The following ARHGAP10 variants were observed in gnomAD, a reference collection of about 807,000 sequenced individuals.
ARHGAP10 encodes the protein Rho GTPase activating protein 10, also known as rho GTPase-activating protein 10.
ARHGAP10 carries 87 observed loss-of-function variants against 108.6 expected under a neutral mutation model. That is an observed-to-expected ratio of 0.80 (90% confidence interval 0.67 to 0.96). The LOEUF is 0.96. Among genes scored for constraint, ARHGAP10 ranks in the 40% least tolerant of loss-of-function variants. The probability of loss-of-function intolerance (pLI) is 0.00; values close to 1 mark genes in which losing one functional copy is unlikely to be tolerated. For missense variants in ARHGAP10, 939 were observed against 954.5 expected (o/e 0.98, Z 0.21); for synonymous variants, 347 against 341.1 (o/e 1.02, Z -0.19).
At chr4:147,863,400 T>C (rs893030) in intron 5 of ARHGAP10, 144,692 of 152,444 alleles carry the variant, frequency 0.95, 69,065 homozygotes, top group Non-Finnish European at 1. Context: ...CCTCAAGGTT[T>C]ATCCATGTTG....
intron 10 of ARHGAP10, among the ~76,000 whole-genome samples, chr4:147,905,543 A>T (rs556886826): frequency 8.6e-6 from 1 of 116,394 alleles, no homozygotes; most frequent in African/African-American, 2.8e-5. Context: ...AGATAGTTGT[A>T]GATATGCGGC....
chr4:147,823,402 G>A (rs1303349318), intron 3 of ARHGAP10, among the ~76,000 whole-genome samples: 2 of 152,038 alleles, frequency 1.3e-5, no homozygotes, highest in Non-Finnish European at 2.9e-5. Context: ...AGAGAACTTG[G>A]GCCTTGGAGG....
chr4:147,971,739 G>C (rs1290913792), intron 18 of ARHGAP10, among the ~76,000 whole-genome samples: 1 of 152,128 alleles, frequency 6.6e-6, no homozygotes, highest in African/African-American at 2.4e-5. Flanking sequence ...GCCGCTTTAG[G>C]ACTTTTGCAT....
At chr4:147,823,757 A>G (rs1732596078) in intron 3 of ARHGAP10, among the ~76,000 whole-genome samples, 1 of 149,816 alleles carries the variant, frequency 6.7e-6, no homozygotes, top group Non-Finnish European at 1.5e-5. Context: ...ACCCTGTCTC[A>G]AAAAAAAAGA....
At chr4:148,034,045 C>T (rs375346731) in intron 19 of ARHGAP10, among the ~76,000 whole-genome samples, 1 of 152,178 alleles carries the variant, frequency 6.6e-6, no homozygotes, top group Non-Finnish European at 1.5e-5. Context: ...GCAAATCTCT[C>T]TCTAAGCCTC....
chr4:147,830,326 A>T (rs767617482), intron 3 of ARHGAP10, among the ~76,000 whole-genome samples: 1 of 152,080 alleles, frequency 6.6e-6, no homozygotes, highest in Non-Finnish European at 1.5e-5. Flanking sequence ...GCAAGACGTG[A>T]TGCCTGCTCT....
At chr4:147,997,635 A>G (rs1329923774) in intron 18 of ARHGAP10, among the ~76,000 whole-genome samples, 6 of 152,248 alleles carry the variant, frequency 3.9e-5, no homozygotes, top group Non-Finnish European at 7.3e-5. Context: ...CACGTAGAAC[A>G]GAAATAACTT....
chr4:147,866,749 A>C lies in ARHGAP10; in HGVS notation c.635A>C (p.His212Pro), dbSNP rs765671085. The C allele has an allele frequency of 6.2e-7, 1 of 1,613,884 alleles. No individual in the cohort carries two copies. Among genetic ancestry groups the C allele is most frequent in the Non-Finnish European group, 8.5e-7 (1 of 1,179,894 alleles). Residue 212 changes from histidine to proline, a missense_variant, in exon 7 of 23, where the codon CAT (histidine) becomes CCT (proline). By Grantham distance (77) the His-to-Pro change is moderately conservative. Coordinates refer to ENST00000336498, the MANE Select transcript of ARHGAP10 (RefSeq NM_024605.4). ...SFFQGMFTFYHQGHELAKDFN... is the reference protein window; with the variant it reads ...SFFQGMFTFYPQGHELAKDFN... Reference sequence around the variant, plus strand: ...TTTCAGGGGATGTTTACCTTCTATCATCAGGGCCATGAACTTGCCAAAGAC... The same window carrying C: ...TTTCAGGGGATGTTTACCTTCTATCCTCAGGGCCATGAACTTGCCAAAGAC...
At chr4:147,783,529 A>T (rs1297217562) in intron 1 of ARHGAP10, among the ~76,000 whole-genome samples, 2 of 148,180 alleles carry the variant, frequency 1.3e-5, no homozygotes, top group East Asian at 4.2e-4. Flanking sequence ...ACACACATTA[A>T]ATTATGTATT....
chr4:148,015,658 C>T (rs1016351716), intron 18 of ARHGAP10, among the ~76,000 whole-genome samples: 5 of 152,146 alleles, frequency 3.3e-5, no homozygotes, highest in African/African-American at 9.7e-5. Context: ...GTACTGTTCA[C>T]GTGGTAGCTA....
At chr4:148,065,960 A>G (rs945438580) in intron 22 of ARHGAP10, among the ~76,000 whole-genome samples, 2 of 141,438 alleles carry the variant, frequency 1.4e-5, no homozygotes, top group Non-Finnish European at 3.0e-5. Context: ...AGCCTGGATA[A>G]CACAGTGAGA....
chr4:147,918,210 A>T (rs1022083766), intron 13 of ARHGAP10, among the ~76,000 whole-genome samples: 7 of 139,784 alleles, frequency 5.0e-5, no homozygotes, highest in African/African-American at 2.0e-4. Flanking sequence ...ATCTCGGCTC[A>T]CTGCAAGCTC....
chr4:147,855,302 A>G (rs12498257), intron 4 of ARHGAP10, among the ~76,000 whole-genome samples: 116,429 of 152,148 alleles, frequency 0.77, 47,112 homozygotes, highest in Non-Finnish European at 0.89. Context: ...CACAGCATCA[A>G]CTTTTTAAAA....
At chr4:147,908,801 C>G (rs967526871) in intron 11 of ARHGAP10, among the ~76,000 whole-genome samples, 1 of 152,188 alleles carries the variant, frequency 6.6e-6, no homozygotes, top group Admixed American at 6.5e-5. Flanking sequence ...CAAGTATACA[C>G]AAATTTTCAA....
intron 1 of ARHGAP10, among the ~76,000 whole-genome samples, chr4:147,752,765 G>T (rs1729210477): frequency 6.6e-6 from 1 of 152,186 alleles, no homozygotes; most frequent in African/African-American, 2.4e-5. Context: ...GACCTCAAGT[G>T]ATCCTCCCAC....
At chr4:148,027,759 TTAGG>T (rs769161900) in intron 19 of ARHGAP10, among the ~76,000 whole-genome samples, 1 of 152,134 alleles carries the variant, frequency 6.6e-6, no homozygotes, top group Non-Finnish European at 1.5e-5. Context: ...ATTAGCCGTC[TTAGG>T]TAGGTTGAAA....
At chr4:147,804,234 TA>T (rs1731691729) in intron 1 of ARHGAP10, among the ~76,000 whole-genome samples, 1 of 152,180 alleles carries the variant, frequency 6.6e-6, no homozygotes, top group Admixed American at 6.5e-5. Context: ...AGCTTCCACA[TA>T]TAACTGAGAG....
intron 3 of ARHGAP10, among the ~76,000 whole-genome samples, chr4:147,846,882 C>G (rs1044795949): frequency 6.6e-6 from 1 of 152,122 alleles, no homozygotes; most frequent in African/African-American, 2.4e-5. Flanking sequence ...TACAGACAGC[C>G]GTCTTGCTGT....
intron 1 of ARHGAP10, among the ~76,000 whole-genome samples, chr4:147,810,969 G>C (rs752209644): frequency 6.6e-6 from 1 of 152,160 alleles, no homozygotes; most frequent in Non-Finnish European, 1.5e-5. Flanking sequence ...GTTTCCCTTC[G>C]GGGACAAGTT....
Sources: allele counts gnomAD v4.1 joint callset (sites outside exome capture counted in the v4.1 genomes callset), GRCh38; gene constraint gnomAD v4.1.1; transcripts MANE v1.5; gene names NCBI Gene and HGNC (gene_info 2026-07-23, HGNC 2026-07-21).